SCTR: variants seen among roughly 807,000 people sequenced by gnomAD.
SCTR encodes secretin receptor.
In SCTR, 56 loss-of-function variants were observed where a neutral mutation model predicts 60.8. That is an observed-to-expected ratio of 0.92 (90% CI 0.74 to 1.15). SCTR has a LOEUF of 1.15. Ranked by LOEUF, SCTR falls within the 50% of genes most tolerant of loss-of-function variation. The probability of loss-of-function intolerance (pLI) is 0.00; values close to 1 mark genes in which losing one functional copy is unlikely to be tolerated. For missense variants in SCTR, 562 were observed against 550.4 expected (o/e 1.02, Z -0.21); for synonymous variants, 202 against 217.0 (o/e 0.93, Z 0.61).
chr2:119,492,545 G>A (rs1159365926), intron 2 of SCTR, among the ~76,000 whole-genome samples: 1 of 152,130 alleles, frequency 6.6e-6, no homozygotes, highest in East Asian at 1.9e-4. Context: ...CTTTTCAAAT[G>A]GAAGAAAAAT....
At chr2:119,441,754 TG>T in intron 11 of SCTR, 155 bp from the exon 12 acceptor site, 2 of 679,688 alleles carry the variant, frequency 2.9e-6, no homozygotes, top group Non-Finnish European at 2.6e-6. Context: ...CTACCTCTTG[TG>T]GGCTGCCCAC....
intron 9 of SCTR, among the ~76,000 whole-genome samples, chr2:119,449,219 C>G (rs1683048749): frequency 6.6e-6 from 1 of 152,200 alleles, no homozygotes; most frequent in Non-Finnish European, 1.5e-5. Context: ...TCTAACCCCA[C>G]AGGTTATGGT....
intron 4 of SCTR, among the ~76,000 whole-genome samples, chr2:119,471,603 C>T (rs1434501904): frequency 6.6e-6 from 1 of 152,200 alleles, no homozygotes; most frequent in Non-Finnish European, 1.5e-5. Context: ...ACACAACTTC[C>T]TCCCTTCTCC....
chr2:119,489,014 CTT>C (rs1414095440), intron 2 of SCTR, among the ~76,000 whole-genome samples: 2 of 152,152 alleles, frequency 1.3e-5, no homozygotes, highest in African/African-American at 4.8e-5. Flanking sequence ...CGGGGAGAGT[CTT>C]TTCCTCGAAC....
chr2:119,523,438 T>TA (rs1448303947), intron 1 of SCTR, among the ~76,000 whole-genome samples: 6 of 144,850 alleles, frequency 4.1e-5, no homozygotes, highest in African/African-American at 1.5e-4. Context: ...TTATTATTAT[T>TA]ATTTTCCTCC....
intron 4 of SCTR, among the ~76,000 whole-genome samples, chr2:119,471,324 ATGATAGAAC>A (rs151051061): frequency 0.017 from 2,540 of 152,286 alleles, 74 homozygotes; most frequent in African/African-American, 0.059. Context: ...ATATAAGTCG[ATGATAGAAC>A]TGTTCCTCTG....
At position 119,452,010 on chromosome 2, in the gene SCTR, C is replaced by T. The variant is rs1366325480; in HGVS notation, c.921G>A (p.Leu307=). The T allele has an allele frequency of 6.3e-7, 1 of 1,593,692 alleles. No individual in the cohort carries two copies. The highest frequency in any genetic ancestry group is 2.2e-5 in the East Asian group (1 of 44,698). The change falls in exon 9 of 13, where the codon CTG becomes CTA. Residue 307 remains leucine, a splice_region_variant and synonymous_variant. Coordinates refer to ENST00000019103, the MANE Select transcript of SCTR (RefSeq NM_002980.3). ...AGCTAGGGAGAGGAGGGCCACTCAC[C>T]AGGATGGAGAGGATCACAGGACCAC... ...IIRGPVILSI[L]INFILFINIL... is the part of the protein sequence containing the mutation.
chr2:119,483,729 A>T (rs1677737170), intron 2 of SCTR, among the ~76,000 whole-genome samples: 1 of 152,190 alleles, frequency 6.6e-6, no homozygotes, highest in Non-Finnish European at 1.5e-5. Context: ...ATTGTTTAGG[A>T]TGAGGCTAAG....
chr2:119,499,178 C>G (rs1418462176), intron 1 of SCTR, among the ~76,000 whole-genome samples: 1 of 151,844 alleles, frequency 6.6e-6, no homozygotes. Context: ...AAATACATAG[C>G]AATGGTAAAT....
intron 6 of SCTR, among the ~76,000 whole-genome samples, chr2:119,463,337 T>TA (rs918483331): frequency 2.3e-4 from 35 of 152,048 alleles, no homozygotes; most frequent in Non-Finnish European, 4.3e-4. Flanking sequence ...GCCCAAAAGA[T>TA]AAAAAAATGT....
chr2:119,512,996 G>A (rs919065799), intron 1 of SCTR, among the ~76,000 whole-genome samples: 1 of 152,170 alleles, frequency 6.6e-6, no homozygotes, highest in Non-Finnish European at 1.5e-5. Flanking sequence ...CTAAGCTTGA[G>A]ACAGTAACAT....
At chr2:119,446,632 G>A (rs1212578418) in intron 11 of SCTR, 127 bp downstream of exon 11, 8 of 922,636 alleles carry the variant, frequency 8.7e-6, no homozygotes, top group South Asian at 7.2e-5. Flanking sequence ...TGTCAGGTCC[G>A]ACCCCTTCTT....
intron 2 of SCTR, among the ~76,000 whole-genome samples, chr2:119,490,281 G>A (rs1678063189): frequency 2.0e-5 from 3 of 152,202 alleles, no homozygotes; most frequent in Non-Finnish European, 2.9e-5. Flanking sequence ...GTGGCCGAGT[G>A]CATGGGCTAA....
chr2:119,474,145 G>C (rs1677158874), intron 3 of SCTR, among the ~76,000 whole-genome samples: 1 of 152,166 alleles, frequency 6.6e-6, no homozygotes, highest in Non-Finnish European at 1.5e-5. Flanking sequence ...CGGCTCAGCT[G>C]CTCACTGCCC....
At chr2:119,523,143 G>A (rs1003096401) in intron 1 of SCTR, among the ~76,000 whole-genome samples, 2 of 152,154 alleles carry the variant, frequency 1.3e-5, no homozygotes, top group African/African-American at 4.8e-5. Flanking sequence ...CAGAGACTCA[G>A]TTGGGTCCCC....
In SCTR at chr2:119,524,137, G is replaced by T; in HGVS notation, c.72+18C>A. 1 of 1,543,260 alleles carries T rather than the reference G, an allele frequency of 6.5e-7. No individual in the cohort carries two copies. Among genetic ancestry groups the T allele is most frequent in the Non-Finnish European group, 8.8e-7 (1 of 1,142,036 alleles). On this transcript the variant is annotated intron_variant, in intron 1 of 12. Coordinates refer to ENST00000019103, the MANE Select transcript of SCTR (RefSeq NM_002980.3). ...CGCTCCCTCGGGTCCCCAGCCTGCA[G>T]AAGGGCGCAGTACTCACCGAGTGCG...
rs564455227 is a variant in SCTR, at chr2:119,468,978, G to T, written c.406-3092C>A. Among the ~76,000 whole-genome samples the T allele has an allele frequency of 9.9e-5, 15 of 152,212 alleles. No individual in the cohort carries two copies. The South Asian group carries it at 2.7e-3, about 27-fold the overall frequency. ...GAAAGGAGGTAGATTTTGACTCGGG[G>T]TGACTGATCATTTTCTGACAGCAGG... On this transcript the variant is annotated intron_variant, in intron 4 of 12. Coordinates refer to ENST00000019103, the MANE Select transcript of SCTR (RefSeq NM_002980.3).
At chr2:119,491,489 T>A (rs1298533980) in intron 2 of SCTR, among the ~76,000 whole-genome samples, 1 of 151,698 alleles carries the variant, frequency 6.6e-6, no homozygotes, top group East Asian at 1.9e-4. Flanking sequence ...TCATTTTACA[T>A]GTTTCTTTCT....
At chr2:119,454,901 T>C (rs1370932124) in intron 7 of SCTR, among the ~76,000 whole-genome samples, 3 of 152,272 alleles carry the variant, frequency 2.0e-5, no homozygotes, top group Non-Finnish European at 1.5e-5. Flanking sequence ...TTTATATTGA[T>C]TATACATTGA....
Sources: gnomAD v4.1 joint callset for allele counts (sites outside exome capture counted in the v4.1 genomes callset) on GRCh38, gnomAD v4.1.1 for gene constraint, MANE v1.5 for transcripts, NCBI Gene and HGNC (gene_info 2026-07-23, HGNC 2026-07-21) for gene names.